Variants in GIGYF2 observed in about 807,000 individuals in gnomAD.
GIGYF2 encodes the protein GRB10 interacting GYF protein 2.
In GIGYF2, 25 loss-of-function variants were observed where a neutral mutation model predicts 208.1. The ratio of observed to expected loss-of-function variants is 0.12; its 90% confidence interval spans 0.09 to 0.17. The LOEUF (loss-of-function observed/expected upper bound fraction) is 0.17. Ranked by LOEUF, GIGYF2 falls within the 10% of genes least tolerant of loss-of-function variation. The pLI is 1.00. For synonymous variants in GIGYF2, 534 were observed against 543.8 expected (o/e 0.98, Z 0.25); for missense variants, 1,302 against 1,579.4 (o/e 0.82, Z 2.98).
At chr2:232,844,692 A>G in intron 25 of GIGYF2, 118 bp downstream of exon 25, 1 of 725,078 alleles carries the variant, frequency 1.4e-6, no homozygotes, top group African/African-American at 1.7e-5. Context: ...TACCGTTTTC[A>G]TCTGTGTTCA....
intron 15 of GIGYF2, among the ~76,000 whole-genome samples, chr2:232,808,773 A>G (rs577410813): frequency 2.0e-5 from 3 of 152,056 alleles, no homozygotes; most frequent in Non-Finnish European, 4.4e-5. Context: ...AACTTTTTAT[A>G]ATTTAAATTC....
At chr2:232,738,620 C>T (rs1009666775) in intron 3 of GIGYF2, among the ~76,000 whole-genome samples, 1 of 152,152 alleles carries the variant, frequency 6.6e-6, no homozygotes, top group Non-Finnish European at 1.5e-5. Context: ...AGTTTGTTTA[C>T]TGCTGTATCT....
Position 232,795,994 on chromosome 2 carries a change from T to G in GIGYF2, c.1480-68T>G, listed in dbSNP as rs2305139. The G allele has an allele frequency of 0.2, 222,095 of 1,134,932 alleles. 24,009 individuals carry two copies. Among genetic ancestry groups the G allele is most frequent in the Non-Finnish European group, 0.22 (162,048 of 745,746 alleles). 70.3% of individuals were successfully genotyped at this position (1,134,932 alleles called of 1,614,324 possible). A position where few individuals can be genotyped will look rare whatever the true frequency, so the allele number is the denominator to read the frequency against. On this transcript the variant is annotated intron_variant, in intron 13 of 28. Coordinates refer to ENST00000373563, the MANE Select transcript of GIGYF2 (RefSeq NM_001103146.3). ...TAGTCCAAAAAAAAGGGGCAGGCAC[T>G]GTTATTATGTGTACAAGTACTAATT...
intron 2 of GIGYF2, among the ~76,000 whole-genome samples, chr2:232,713,467 C>T (rs62193272): frequency 1.9e-4 from 29 of 152,274 alleles, no homozygotes; most frequent in East Asian, 1.2e-3. Context: ...GAAGATAGTG[C>T]GGAATTCCAG....
chr2:232,781,656 A>G (rs1268503926), intron 8 of GIGYF2, among the ~76,000 whole-genome samples: 4 of 152,142 alleles, frequency 2.6e-5, no homozygotes, highest in Non-Finnish European at 5.9e-5. Flanking sequence ...AGATGTTGAC[A>G]CTTTCCTTAA....
chr2:232,739,307 G>A (rs768770942), intron 3 of GIGYF2, among the ~76,000 whole-genome samples: 10 of 144,236 alleles, frequency 6.9e-5, no homozygotes, highest in Non-Finnish European at 1.3e-4. Context: ...GCAGTGAGCC[G>A]AAATTGTGCC....
At chr2:232,730,259 G>T in intron 2 of GIGYF2, 1 of 803,650 alleles carries the variant, frequency 1.2e-6, no homozygotes, top group Non-Finnish European at 2.1e-6. Context: ...TGGGCACCCT[G>T]TGCTGAAAGA....
chr2:232,773,882 G>C (rs556852855), intron 8 of GIGYF2, among the ~76,000 whole-genome samples: 1 of 144,282 alleles, frequency 6.9e-6, no homozygotes, highest in Non-Finnish European at 1.5e-5. Context: ...GACCAGCCTA[G>C]GCAACGTAGT....
At chr2:232,817,874 A>G (rs1004892657) in intron 20 of GIGYF2, among the ~76,000 whole-genome samples, 7 of 152,106 alleles carry the variant, frequency 4.6e-5, no homozygotes, top group African/African-American at 1.2e-4. Context: ...CTTGCTTTCA[A>G]CACTTTCCTA....
At chr2:232,848,570 T>C (rs1702094941) in intron 27 of GIGYF2, among the ~76,000 whole-genome samples, 1 of 151,882 alleles carries the variant, frequency 6.6e-6, no homozygotes, top group Admixed American at 6.6e-5. Context: ...GAGGCAGAGG[T>C]TGCAGTGAGC....
intron 2 of GIGYF2, 43 bp downstream of exon 2, chr2:232,703,532 A>G (rs1402097261): frequency 6.6e-6 from 1 of 152,658 alleles, no homozygotes; most frequent in African/African-American, 2.4e-5. Context: ...GCTTTTGCAA[A>G]TAGGTAATTT....
intron 8 of GIGYF2, among the ~76,000 whole-genome samples, chr2:232,784,547 C>T (rs1023168087): frequency 2.1e-4 from 32 of 151,414 alleles, no homozygotes; most frequent in Admixed American, 1.2e-3. Flanking sequence ...CCCGCCACCG[C>T]GCCCGGCTAA....
chr2:232,728,637 G>A (rs547030644), intron 2 of GIGYF2, among the ~76,000 whole-genome samples: 1 of 152,240 alleles, frequency 6.6e-6, no homozygotes, highest in South Asian at 2.1e-4. Flanking sequence ...GTAATTAATT[G>A]CAGGGGTGGG....
Position 232,796,095 on chromosome 2 carries a change from A to G in GIGYF2, c.1513A>G (p.Ser505Gly). ...AEKMVAYLQD[S>G]ALDDERLASK... ...GAAAATGGTGGCTTATCTCCAAGAC[A>G]GTGCACTAGATGATGAAAGATTGGC... Residue 505 changes from serine to glycine, a missense_variant, in exon 14 of 29, where the codon AGT becomes GGT. By Grantham distance (56) the Ser-to-Gly change is moderately conservative. Coordinates refer to ENST00000373563, the MANE Select transcript of GIGYF2 (RefSeq NM_001103146.3). 6.2e-7 allele frequency: 1 copy of G among 1,610,132 alleles called. No homozygotes were observed. The highest frequency in any genetic ancestry group is 8.5e-7 in the Non-Finnish European group (1 of 1,176,388).
intron 23 of GIGYF2, among the ~76,000 whole-genome samples, chr2:232,843,560 C>T (rs1241539295): frequency 2.7e-5 from 3 of 111,196 alleles, no homozygotes; most frequent in Non-Finnish European, 5.7e-5. Context: ...GAGACCCTGT[C>T]TCAAAAAAAA....
intron 2 of GIGYF2, among the ~76,000 whole-genome samples, chr2:232,711,707 A>ATATATATATATATATATATGTG (rs1190062850): frequency 7.4e-6 from 1 of 134,350 alleles, no homozygotes; most frequent in African/African-American, 3.1e-5. Context: ...ACAATGATGT[A>ATATATATATATATATATATGTG]TATATATATA....
At position 232,843,913 on chromosome 2, in the gene GIGYF2, A is replaced by C. The variant is rs1701907682; in HGVS notation, c.2890-133A>C. The C allele has an allele frequency of 2.9e-5, 22 of 764,362 alleles. 1 individual carries two copies. In the South Asian group the frequency reaches 3.4e-4, roughly 12 times the overall value. The allele number at this position is 764,362 out of a possible 1,614,324, so 47.3% of individuals were successfully genotyped here. A position where few individuals can be genotyped will look rare whatever the true frequency, so the allele number is the denominator to read the frequency against. On this transcript the variant is annotated intron_variant, in intron 23 of 28. Coordinates refer to ENST00000373563, the MANE Select transcript of GIGYF2 (RefSeq NM_001103146.3). ...TTAGCGATTTACATTTTTATTTGCA[A>C]CAGCAGAATTTAATCCCATCAAGTT...
At chr2:232,739,364 C>CG (rs1329648133) in intron 3 of GIGYF2, among the ~76,000 whole-genome samples, 1 of 60,134 alleles carries the variant, frequency 1.7e-5, no homozygotes, top group Non-Finnish European at 3.4e-5. Context: ...AAAGCAAACC[C>CG]CCCCCCCCCC....
At chr2:232,781,321 C>CACA (rs1054268008) in intron 8 of GIGYF2, among the ~76,000 whole-genome samples, 20 of 149,842 alleles carry the variant, frequency 1.3e-4, no homozygotes, top group Middle Eastern at 3.4e-3. Flanking sequence ...CACACACACA[C>CACA]AACTTATAAA....
Sources: allele counts gnomAD v4.1 joint callset (sites outside exome capture counted in the v4.1 genomes callset), GRCh38; gene constraint gnomAD v4.1.1; transcripts MANE v1.5; gene names NCBI Gene and HGNC (gene_info 2026-07-23, HGNC 2026-07-21).